The following PCCA variants were observed in gnomAD, a reference collection of about 807,000 sequenced individuals.
The protein encoded by PCCA is propionyl-CoA carboxylase subunit alpha, also known as propionyl-CoA carboxylase alpha chain, mitochondrial.
PCCA carries 74 observed loss-of-function variants against 101.3 expected under a neutral mutation model. The observed-to-expected ratio is 0.73, with a 90% CI of 0.61 to 0.89. The LOEUF (loss-of-function observed/expected upper bound fraction) is 0.89, where lower values mean the gene tolerates loss of function less well. Ranked by LOEUF, PCCA falls within the 40% of genes least tolerant of loss-of-function variation. The pLI is 0.00. For synonymous variants in PCCA, 294 were observed against 313.6 expected (o/e 0.94, Z 0.66); for missense variants, 891 against 907.0 (o/e 0.98, Z 0.23).
intron 21 of PCCA, among the ~76,000 whole-genome samples, chr13:100,492,441 TTC>T (rs2084976017): frequency 6.6e-6 from 1 of 152,028 alleles, no homozygotes; most frequent in African/African-American, 2.4e-5. Flanking sequence ...GTGGACTGTC[TTC>T]TCTCTAAGCA....
intron 19 of PCCA, among the ~76,000 whole-genome samples, chr13:100,391,739 A>T (rs2152841109): frequency 6.6e-6 from 1 of 152,332 alleles, no homozygotes; most frequent in East Asian, 1.9e-4. Flanking sequence ...AATACTATTG[A>T]TCAACACGTT....
chr13:100,403,606 G>T (rs919259444), intron 19 of PCCA, among the ~76,000 whole-genome samples: 1 of 152,136 alleles, frequency 6.6e-6, no homozygotes, highest in South Asian at 2.1e-4. Flanking sequence ...CACCCCCATT[G>T]TTGCAGGACT....
intron 21 of PCCA, among the ~76,000 whole-genome samples, chr13:100,473,685 A>G (rs1408211511): frequency 6.6e-6 from 1 of 152,208 alleles, no homozygotes; most frequent in Admixed American, 6.5e-5. Flanking sequence ...GGTGACCTCT[A>G]GAGTCTATCC....
intron 12 of PCCA, among the ~76,000 whole-genome samples, chr13:100,298,445 A>G (rs551525426): frequency 6.6e-6 from 1 of 152,320 alleles, no homozygotes; most frequent in South Asian, 2.1e-4. Context: ...AATAGCCCTC[A>G]AAACAGATGC....
At chr13:100,480,898 C>G (rs796220688) in intron 21 of PCCA, 31 of 152,332 alleles carry the variant, frequency 2.0e-4, no homozygotes, top group African/African-American at 7.0e-4. Flanking sequence ...ACAGTAGCCC[C>G]CCTTCTCCAC....
intron 6 of PCCA, among the ~76,000 whole-genome samples, chr13:100,173,271 C>A (rs745604261): frequency 6.6e-6 from 1 of 152,130 alleles, no homozygotes; most frequent in Non-Finnish European, 1.5e-5. Context: ...TGAGTTGGTA[C>A]GGGCAGCCAT....
intron 21 of PCCA, among the ~76,000 whole-genome samples, chr13:100,453,206 T>G (rs533884372): frequency 6.7e-6 from 1 of 149,602 alleles, no homozygotes; most frequent in African/African-American, 2.5e-5. Context: ...AAAGCAAATA[T>G]GAAAACAAAT....
At chr13:100,313,450 G>A (rs1311323365) in intron 16 of PCCA, among the ~76,000 whole-genome samples, 2 of 152,166 alleles carry the variant, frequency 1.3e-5, no homozygotes, top group Non-Finnish European at 2.9e-5. Flanking sequence ...TGGGCAGGGG[G>A]CCAGGGAGTG....
At chr13:100,414,981 C>CTAAG (rs1397657064) in intron 19 of PCCA, among the ~76,000 whole-genome samples, 1 of 152,086 alleles carries the variant, frequency 6.6e-6, no homozygotes, top group Admixed American at 6.6e-5. Flanking sequence ...GTGAAATACT[C>CTAAG]TAAGGAGTAT....
intron 20 of PCCA, among the ~76,000 whole-genome samples, chr13:100,429,748 A>G (rs1418598392): frequency 6.6e-6 from 1 of 151,884 alleles, no homozygotes; most frequent in Non-Finnish European, 1.5e-5. Context: ...CTGGGATTAC[A>G]GACACGCACT....
At chr13:100,244,766 C>T (rs2061339874) in intron 8 of PCCA, among the ~76,000 whole-genome samples, 1 of 151,988 alleles carries the variant, frequency 6.6e-6, no homozygotes, top group South Asian at 2.1e-4. Context: ...TCAGTTTTTC[C>T]TTTCTCTGCC....
chr13:100,487,706 A>T (rs2084499648), intron 21 of PCCA, among the ~76,000 whole-genome samples: 1 of 152,078 alleles, frequency 6.6e-6, no homozygotes, highest in Non-Finnish European at 1.5e-5. Flanking sequence ...TACCATAGGA[A>T]ATGCTGCGAT....
chr13:100,101,539 T>C (rs557394996), intron 1 of PCCA, among the ~76,000 whole-genome samples: 66 of 152,308 alleles, frequency 4.3e-4, no homozygotes, highest in Admixed American at 9.2e-4. Context: ...TTATAAACTA[T>C]ATCTTTTTGT....
At chr13:100,496,428 G>A (rs1434527720) in intron 21 of PCCA, among the ~76,000 whole-genome samples, 2 of 152,008 alleles carry the variant, frequency 1.3e-5, no homozygotes, top group Non-Finnish European at 2.9e-5. Flanking sequence ...TTTGTCAAAT[G>A]GCTCTCAATT....
chr13:100,287,032 A>G (rs1420044995), intron 12 of PCCA, among the ~76,000 whole-genome samples: 2 of 152,054 alleles, frequency 1.3e-5, no homozygotes, highest in Non-Finnish European at 2.9e-5. Flanking sequence ...TCTTCACTTC[A>G]TTTGGAATTC....
At chr13:100,451,242 C>T (rs1457688256) in intron 21 of PCCA, among the ~76,000 whole-genome samples, 1 of 152,134 alleles carries the variant, frequency 6.6e-6, no homozygotes, top group Non-Finnish European at 1.5e-5. Context: ...TTCGATGATA[C>T]ATCTCAGTGT....
intron 14 of PCCA, among the ~76,000 whole-genome samples, chr13:100,303,923 G>A (rs2152687869): frequency 6.6e-6 from 1 of 152,310 alleles, no homozygotes; most frequent in African/African-American, 2.4e-5. Flanking sequence ...AATAGCACAT[G>A]AGAAAACAAG....
At chr13:100,473,862 A>G (rs9518078) in intron 21 of PCCA, among the ~76,000 whole-genome samples, 37,986 of 152,194 alleles carry the variant, frequency 0.25, 4,889 homozygotes, top group African/African-American at 0.27. Context: ...TCGCACAATG[A>G]CATCGTGTCT....
chr13:100,281,181 G>T (rs2064082960), intron 12 of PCCA, among the ~76,000 whole-genome samples: 1 of 152,164 alleles, frequency 6.6e-6, no homozygotes, highest in African/African-American at 2.4e-5. Flanking sequence ...CTTCCTTTAA[G>T]TGAAAAGGTG....
Sources: allele counts gnomAD v4.1 joint callset (sites outside exome capture counted in the v4.1 genomes callset), GRCh38; gene constraint gnomAD v4.1.1; transcripts MANE v1.5; gene names NCBI Gene and HGNC (gene_info 2026-07-23, HGNC 2026-07-21).